The following ATAD2B variants were observed in gnomAD, a reference collection of about 807,000 sequenced individuals.
The protein encoded by ATAD2B is ATPase family AAA domain containing 2B.
ATAD2B carries 40 observed loss-of-function variants against 167.6 expected under a neutral mutation model. The observed-to-expected ratio is 0.24, with a 90% CI of 0.19 to 0.31. The LOEUF is 0.31. ATAD2B is among the 10% of genes least tolerant of loss of function. The pLI is 1.00. For synonymous variants in ATAD2B, 579 were observed against 596.5 expected, an observed-to-expected ratio of 0.97 and a Z score of 0.43; for missense variants, 1,242 against 1,757.2, an observed-to-expected ratio of 0.71 and a Z score of 5.24.
chr2:23,762,641 G>C (rs1676894114), intron 23 of ATAD2B, among the ~76,000 whole-genome samples: 1 of 152,046 alleles, frequency 6.6e-6, no homozygotes, highest in African/African-American at 2.4e-5. Context: ...TATGACTGTG[G>C]AACAATAAGA....
At chr2:23,687,954 T>C in the ATAD2B span, among the ~76,000 whole-genome samples, 1 of 152,088 alleles carries the variant, frequency 6.6e-6, no homozygotes, top group South Asian at 2.1e-4. Flanking sequence ...TCTCCCAGCC[T>C]GCGGCCGAGT....
downstream of ATAD2B, among the ~76,000 whole-genome samples, chr2:23,745,846 G>A (rs141706181): frequency 1.1e-3 from 166 of 152,326 alleles, no homozygotes; most frequent in African/African-American, 3.9e-3. Context: ...CAAAAAGCAA[G>A]GACCTTGCTG....
chr2:23,749,427 T>C lies in ATAD2B; in HGVS notation c.*2619A>G, dbSNP rs1484296701. The C allele has an allele frequency of 1.3e-5, 2 of 152,188 alleles. No individual in the cohort carries two copies. Among genetic ancestry groups the C allele is most frequent in the African/African-American group, 4.8e-5 (2 of 41,458 alleles). The allele number at this position is 152,188 out of a possible 1,614,324, so 9.4% of individuals were successfully genotyped here. On this transcript the variant is annotated 3_prime_UTR_variant, in exon 28 of 28. Transcript: ENST00000238789. ...GTCAATTTGTACATATTTTTGCCAA[T>C]GCTATACAGCAAAAATGAAAAACTT... is the stretch of plus-strand genomic sequence containing the variant.
At chr2:23,864,958 A>C in intron 10 of ATAD2B, 34 bp from the exon 11 acceptor site, 1 of 1,236,782 alleles carries the variant, frequency 8.1e-7, no homozygotes, top group East Asian at 2.7e-5. Flanking sequence ...GATATCAAAC[A>C]ATTTTATATG....
intron 17 of ATAD2B, among the ~76,000 whole-genome samples, chr2:23,816,506 T>C (rs1409664136): frequency 6.6e-6 from 1 of 152,096 alleles, no homozygotes; most frequent in African/African-American, 2.4e-5. Context: ...ATTCCCAACA[T>C]AGTGGATGAA....
intron 18 of ATAD2B, among the ~76,000 whole-genome samples, chr2:23,807,405 CA>C (rs1021256706): frequency 6.6e-6 from 1 of 152,106 alleles, no homozygotes; most frequent in African/African-American, 2.4e-5. Context: ...CCTCTTGCCT[CA>C]AAAGAGTTGA....
At chr2:23,742,080 AT>A in the ATAD2B span, among the ~76,000 whole-genome samples, 1 of 152,200 alleles carries the variant, frequency 6.6e-6, no homozygotes, top group African/African-American at 2.4e-5. Flanking sequence ...ATGTGGAGAA[AT>A]AGGAACACTT....
the ATAD2B span, among the ~76,000 whole-genome samples, chr2:23,734,176 G>T: frequency 6.6e-6 from 1 of 151,950 alleles, no homozygotes; most frequent in African/African-American, 2.4e-5. Flanking sequence ...ATTTATTTTT[G>T]AGACAGAGTC....
rs186185954 is a variant in ATAD2B at position 23,783,829 on chromosome 2, G to C, written c.2974-801C>G. The stretch of plus-strand genomic sequence containing the variant: ...CTATAACAGCAGTCTTAGCAGTAAT[G>C]TCTAAAATTAGTCCAGGAAAGATTT... On this transcript the variant is annotated intron_variant, in intron 21 of 27. Coordinates refer to ENST00000238789, the MANE Select transcript of ATAD2B (RefSeq NM_017552.4). Among the ~76,000 whole-genome samples the C allele has an allele frequency of 2.2e-3, 338 of 152,198 alleles. 2 individuals carry two copies. Among genetic ancestry groups the C allele is most frequent in the African/African-American group, 7.9e-3 (329 of 41,536 alleles).
At chr2:23,760,731 T>TATACACACACACACAC (rs1676607195) in intron 24 of ATAD2B, among the ~76,000 whole-genome samples, 3 of 81,778 alleles carry the variant, frequency 3.7e-5, no homozygotes, top group Admixed American at 1.5e-4. Flanking sequence ...CACACACACA[T>TATACACACACACACAC]ATACACACAC....
At chr2:23,802,064 A>C (rs1286120251) in intron 18 of ATAD2B, among the ~76,000 whole-genome samples, 1 of 152,062 alleles carries the variant, frequency 6.6e-6, no homozygotes, top group Non-Finnish European at 1.5e-5. Context: ...ACCTGCCTAA[A>C]GAGGGCAATA....
At chr2:23,837,765 C>T (rs372725152) in intron 13 of ATAD2B, among the ~76,000 whole-genome samples, 7 of 152,116 alleles carry the variant, frequency 4.6e-5, no homozygotes, top group African/African-American at 7.2e-5. Context: ...ATGTATATGA[C>T]GCTTTAGTTT....
intron 10 of ATAD2B, among the ~76,000 whole-genome samples, chr2:23,866,346 G>A (rs1317811494): frequency 3.3e-5 from 5 of 152,106 alleles, no homozygotes; most frequent in South Asian, 2.1e-4. Flanking sequence ...CGGAGGTTGC[G>A]GTAAGCTGAG....
intron 22 of ATAD2B, among the ~76,000 whole-genome samples, chr2:23,776,401 C>T (rs563960932): frequency 1.3e-5 from 2 of 152,322 alleles, no homozygotes; most frequent in Non-Finnish European, 2.9e-5. Context: ...ACTGCCTTGA[C>T]CTCTACCCCA....
At chr2:23,864,190 A>G (rs1694829308) in intron 11 of ATAD2B, among the ~76,000 whole-genome samples, 1 of 152,044 alleles carries the variant, frequency 6.6e-6, no homozygotes, top group African/African-American at 2.4e-5. Context: ...TTTTCAGTAG[A>G]GACGAGGTTT....
the ATAD2B span, among the ~76,000 whole-genome samples, chr2:23,743,652 G>C: frequency 6.6e-6 from 1 of 151,864 alleles, no homozygotes; most frequent in Non-Finnish European, 1.5e-5. Context: ...TTGAGACAGG[G>C]TGTCACTCTG....
chr2:23,831,304 T>C (rs1363682708), intron 14 of ATAD2B, among the ~76,000 whole-genome samples: 3 of 152,216 alleles, frequency 2.0e-5, no homozygotes, highest in East Asian at 1.9e-4. Flanking sequence ...AAAAGCATTA[T>C]TGCATATAGA....
At chr2:23,761,919 T>C (rs1676792341) in intron 24 of ATAD2B, among the ~76,000 whole-genome samples, 1 of 152,186 alleles carries the variant, frequency 6.6e-6, no homozygotes, top group East Asian at 1.9e-4. Context: ...ATATAAAAAT[T>C]CTACTGGCTC....
intron 22 of ATAD2B, among the ~76,000 whole-genome samples, chr2:23,777,378 C>A (rs1451928197): frequency 1.3e-5 from 2 of 151,688 alleles, no homozygotes; most frequent in Non-Finnish European, 2.9e-5. Context: ...ATATCTATAT[C>A]TATATCTATA....
Sources: gnomAD v4.1 joint callset for allele counts (sites outside exome capture counted in the v4.1 genomes callset) on GRCh38, gnomAD v4.1.1 for gene constraint, MANE v1.5 for transcripts, NCBI Gene and HGNC (gene_info 2026-07-23, HGNC 2026-07-21) for gene names.